ITIH5: variants seen among roughly 807,000 people sequenced by gnomAD.
ITIH5 encodes inter-alpha-trypsin inhibitor heavy chain H5.
Under a neutral mutation model 77.5 loss-of-function variants are expected in ITIH5, and 65 were observed. The ratio of observed to expected loss-of-function variants is 0.84; its 90% confidence interval spans 0.69 to 1.03. The LOEUF is 1.03. ITIH5 is among the 50% of genes least tolerant of loss of function. The pLI is 0.00. For synonymous variants in ITIH5, 525 were observed against 494.3 expected (o/e 1.06, Z -0.82); for missense variants, 1,208 against 1,213.1 (o/e 1.00, Z 0.06).
At chr10:7,594,665 T>TA (rs1161607479) in intron 7 of ITIH5, among the ~76,000 whole-genome samples, 1 of 152,136 alleles carries the variant, frequency 6.6e-6, no homozygotes, top group Non-Finnish European at 1.5e-5. Context: ...TTTGGGGCCA[T>TA]AAGAAGAGTT....
chr10:7,624,517 A>C (rs1042156077), intron 5 of ITIH5, among the ~76,000 whole-genome samples: 6 of 126,930 alleles, frequency 4.7e-5, no homozygotes, highest in Non-Finnish European at 8.4e-5. Context: ...CAAAACAAAC[A>C]AACAAACATG....
intron 7 of ITIH5, 112 bp downstream of exon 7, chr10:7,615,870 T>C: frequency 4.2e-6 from 3 of 707,696 alleles, no homozygotes; most frequent in Non-Finnish European, 7.8e-6. Context: ...TAGGCAGGAA[T>C]CGCTGGATGG....
intron 7 of ITIH5, among the ~76,000 whole-genome samples, chr10:7,612,895 T>C (rs920964476): frequency 1.3e-4 from 20 of 152,170 alleles, no homozygotes; most frequent in African/African-American, 4.8e-4. Context: ...TCAGCATCGA[T>C]CATGCAGCCA....
rs2131125964 is a variant in ITIH5, at chr10:7,666,863, C to A, written c.30G>T (p.Gly10=). 1 of 1,601,368 alleles carries A rather than the reference C, an allele frequency of 6.2e-7. No individual in the cohort carries two copies. The highest frequency in any genetic ancestry group is 1.4e-5 in the African/African-American group (1 of 73,462). The change falls in exon 1 of 14, where the codon GGG becomes GGT. Residue 10 remains glycine (G), a synonymous_variant. Transcript: ENST00000397146. MLLLLGLCL[G]LSLCVGSQEE... is the part of the protein sequence containing the mutation. ...CCTGCGACCCCACACACAGGGACAG[C>A]CCCAGGCACAGCCCCAGCAGCAGGA...
At chr10:7,624,151 T>A (rs1833518826) in intron 5 of ITIH5, among the ~76,000 whole-genome samples, 1 of 152,164 alleles carries the variant, frequency 6.6e-6, no homozygotes, top group South Asian at 2.1e-4. Context: ...AGAGACTATG[T>A]GTGAAAACAA....
In ITIH5 at chr10:7,616,003, C is replaced by A. The variant is rs566901180; in HGVS notation, c.918G>T (p.Met306Ile). The change falls in exon 7 of 14, where the codon ATG (methionine) becomes ATT (isoleucine). Residue 306 changes from methionine to isoleucine, a missense_variant. Met to Ile is a conservative substitution (Grantham distance 10). Transcript: ENST00000397146. ...TCACCTGCCGGAGTTTGGTTCCCAC[C>A]ATAGAAGCACTGCTGTCAAGCACGA... Reference protein sequence around the residue: ...VVFVLDSSASMVGTKLRQTKD... With the variant: ...VVFVLDSSASIVGTKLRQTKD... 7.5e-6 allele frequency: 12 copies of A among 1,610,390 alleles called. No homozygotes were observed. In the East Asian group the frequency reaches 2.5e-4, roughly 33 times the overall value.
At position 7,562,718 on chromosome 10, in the gene ITIH5, C is replaced by A; in HGVS notation, c.*365G>T. ...TCCACCAAGAAAAAAAGTTTCATAG[C>A]AACCTTCCTTCACCAGAAAGGCTTA... On this transcript the variant is annotated 3_prime_UTR_variant, in exon 14 of 14. Coordinates refer to ENST00000397146, the MANE Select transcript of ITIH5 (RefSeq NM_030569.7). The A allele has an allele frequency of 4.8e-6, 1 of 206,284 alleles. No homozygotes were observed. Among genetic ancestry groups the A allele is most frequent in the Non-Finnish European group, 9.9e-6 (1 of 100,988 alleles). 12.8% of individuals were successfully genotyped at this position (206,284 alleles called of 1,614,324 possible).
chr10:7,579,605 C>T, intron 9 of ITIH5, 150 bp downstream of exon 9: 1 of 748,362 alleles, frequency 1.3e-6, no homozygotes, highest in Non-Finnish European at 2.2e-6. Flanking sequence ...TTTCAAAACA[C>T]ATGGTGACAC....
At chr10:7,648,282 TCA>T (rs1358244916) in intron 2 of ITIH5, among the ~76,000 whole-genome samples, 54 of 151,874 alleles carry the variant, frequency 3.6e-4, no homozygotes, top group African/African-American at 1.2e-3. Context: ...CCTGGCTAAT[TCA>T]AGCCTTTTCG....
chr10:7,592,428 G>T (rs1832811043), intron 7 of ITIH5, among the ~76,000 whole-genome samples: 1 of 152,038 alleles, frequency 6.6e-6, no homozygotes, highest in Admixed American at 6.6e-5. Context: ...CAGCGACAGA[G>T]AAGAACAGAG....
At chr10:7,663,063 G>A (rs1197037660) in intron 1 of ITIH5, among the ~76,000 whole-genome samples, 5 of 152,208 alleles carry the variant, frequency 3.3e-5, no homozygotes. Context: ...TATGTGCCAT[G>A]AGCTACAAAT....
intron 7 of ITIH5, among the ~76,000 whole-genome samples, chr10:7,597,300 G>C (rs1226355916): frequency 6.6e-6 from 1 of 152,146 alleles, no homozygotes; most frequent in Non-Finnish European, 1.5e-5. Flanking sequence ...TCCTGACCCA[G>C]CAGGCAGGAG....
At chr10:7,649,367 G>A (rs1177745191) in intron 2 of ITIH5, among the ~76,000 whole-genome samples, 1 of 151,562 alleles carries the variant, frequency 6.6e-6, no homozygotes, top group Non-Finnish European at 1.5e-5. Context: ...TTTAGATCAT[G>A]AGACATAATA....
At chr10:7,624,784 TAAAAAA>T (rs112757694) in intron 5 of ITIH5, among the ~76,000 whole-genome samples, 2 of 31,870 alleles carry the variant, frequency 6.3e-5, no homozygotes, top group East Asian at 1.2e-3. Context: ...AGACTCTGCC[TAAAAAA>T]AAAAAAAAAT....
At chr10:7,592,785 C>G (rs1489593105) in intron 7 of ITIH5, among the ~76,000 whole-genome samples, 5 of 152,218 alleles carry the variant, frequency 3.3e-5, no homozygotes, top group Non-Finnish European at 2.9e-5. Context: ...GTGTGAGCAT[C>G]AGACAGACCC....
chr10:7,654,402 G>A (rs1834147843), intron 2 of ITIH5, among the ~76,000 whole-genome samples: 1 of 152,222 alleles, frequency 6.6e-6, no homozygotes, highest in South Asian at 2.1e-4. Flanking sequence ...CCTTTGCTGG[G>A]AATTACCTTT....
chr10:7,654,802 A>G (rs1355564175), intron 2 of ITIH5, among the ~76,000 whole-genome samples: 1 of 152,208 alleles, frequency 6.6e-6, no homozygotes, highest in African/African-American at 2.4e-5. Context: ...CAGCCCCTTC[A>G]CAGTTCTTGA....
chr10:7,570,564 A>G (rs1030247521), intron 11 of ITIH5, among the ~76,000 whole-genome samples: 1 of 152,196 alleles, frequency 6.6e-6, no homozygotes, highest in African/African-American at 2.4e-5. Context: ...ATCTATATCA[A>G]TTCTCTTACC....
chr10:7,569,624 T>G, intron 12 of ITIH5, 44 bp downstream of exon 12: 1 of 1,305,482 alleles, frequency 7.7e-7, no homozygotes, highest in Non-Finnish European at 1.1e-6. Context: ...ATGCAGTACC[T>G]ACCTGGTCCT....
Sources: gnomAD v4.1 joint callset for allele counts (sites outside exome capture counted in the v4.1 genomes callset) on GRCh38, gnomAD v4.1.1 for gene constraint, MANE v1.5 for transcripts, NCBI Gene and HGNC (gene_info 2026-07-23, HGNC 2026-07-21) for gene names.